NELL1: variants seen among roughly 807,000 people sequenced by gnomAD.
NELL1 encodes neural EGFL like 1, also known as protein kinase C-binding protein NELL1.
In NELL1, 76 loss-of-function variants were observed where a neutral mutation model predicts 107.4. The ratio of observed to expected loss-of-function variants is 0.71; its 90% CI spans 0.59 to 0.86. The LOEUF (loss-of-function observed/expected upper bound fraction) is 0.86, where lower values mean the gene tolerates loss of function less well. Among genes scored for constraint, NELL1 ranks in the 40% least tolerant of loss-of-function variants. The pLI is 0.00. For missense variants in NELL1, 1,024 were observed against 1,005.5 expected (o/e 1.02, Z -0.25); for synonymous variants, 353 against 341.2 (o/e 1.03, Z -0.38).
At chr11:20,806,685 C>T (rs925258420) in intron 3 of NELL1, among the ~76,000 whole-genome samples, 17 of 152,216 alleles carry the variant, frequency 1.1e-4, no homozygotes, top group South Asian at 4.1e-4. Flanking sequence ...TTTGCCCTTT[C>T]GAAGCTATTT....
chr11:20,688,723 T>A (rs892527986), intron 2 of NELL1, among the ~76,000 whole-genome samples: 3 of 152,124 alleles, frequency 2.0e-5, no homozygotes, highest in Admixed American at 6.6e-5. Flanking sequence ...TTTGGTAGAA[T>A]GATTTATTTA....
chr11:21,180,870 C>CA (rs371471755), intron 13 of NELL1, among the ~76,000 whole-genome samples: 15,702 of 145,432 alleles, frequency 0.11, 951 homozygotes, highest in African/African-American at 0.13. Flanking sequence ...TATCTTGTTT[C>CA]AAAAAAAAAA....
In NELL1 at chr11:21,249,185, G is replaced by A. The variant is rs140440514; in HGVS notation, c.1549+19731G>A. Among the ~76,000 whole-genome samples, 4 of 152,200 alleles carry A rather than the reference G, an allele frequency of 2.6e-5. No individual in the cohort carries two copies. The East Asian group carries it at 7.7e-4, about 29-fold the overall frequency. On this transcript the variant is annotated intron_variant, in intron 14 of 19. Coordinates refer to ENST00000357134, the MANE Select transcript of NELL1 (RefSeq NM_006157.5). ...AGTAAGAATCCTTCATATCCTAATGGGAAAATCATTGTATTTTTATGAGGG... is the reference window on the plus strand; with the variant it reads ...AGTAAGAATCCTTCATATCCTAATGAGAAAATCATTGTATTTTTATGAGGG...
chr11:21,336,270 G>C (rs1050265226), intron 14 of NELL1, among the ~76,000 whole-genome samples: 2 of 151,918 alleles, frequency 1.3e-5, no homozygotes. Context: ...TTTACTGTTA[G>C]CCAGGAACTG....
At chr11:21,253,383 A>G (rs528479640) in intron 14 of NELL1, among the ~76,000 whole-genome samples, 1 of 152,262 alleles carries the variant, frequency 6.6e-6, no homozygotes, top group Admixed American at 6.5e-5. Context: ...GCCTGTTCTC[A>G]AAGTAATTTC....
intron 17 of NELL1, among the ~76,000 whole-genome samples, chr11:21,561,069 C>G (rs942830895): frequency 2.0e-5 from 3 of 152,068 alleles, no homozygotes; most frequent in African/African-American, 7.2e-5. Context: ...TTTTATTGAT[C>G]TTGCCTATTT....
intron 13 of NELL1, among the ~76,000 whole-genome samples, chr11:21,213,023 A>G (rs1046426413): frequency 1.3e-5 from 2 of 152,234 alleles, no homozygotes; most frequent in Non-Finnish European, 2.9e-5. Flanking sequence ...AAGTTACAAG[A>G]TCAATACAGA....
intron 3 of NELL1, among the ~76,000 whole-genome samples, chr11:20,821,679 A>T: frequency 6.6e-6 from 1 of 152,324 alleles, no homozygotes; most frequent in Middle Eastern, 3.4e-3. Flanking sequence ...ATTTTAATAG[A>T]GCCTCAGCAG....
chr11:20,878,250 C>G (rs1207108264), intron 4 of NELL1, among the ~76,000 whole-genome samples: 1 of 148,984 alleles, frequency 6.7e-6, no homozygotes, highest in Non-Finnish European at 1.5e-5. Flanking sequence ...GTCCCAGCTA[C>G]TCGGGAGGCT....
chr11:21,279,578 C>G (rs1349094024), intron 14 of NELL1, among the ~76,000 whole-genome samples: 2 of 152,102 alleles, frequency 1.3e-5, no homozygotes, highest in African/African-American at 4.8e-5. Context: ...TTGGAATGGC[C>G]AAAATCTGAC....
In NELL1 at chr11:20,731,272, T is replaced by C. The variant is rs1420555290; in HGVS notation, c.185-52408T>C. ...GACAAGCTGCAAGGCTTTAGTGGGCTTAAAGCACTTTGGAAATTACCTGCT... is the reference window on the plus strand; with the variant it reads ...GACAAGCTGCAAGGCTTTAGTGGGCCTAAAGCACTTTGGAAATTACCTGCT... On this transcript the variant is annotated intron_variant, in intron 2 of 19. Transcript: ENST00000357134. Among the ~76,000 whole-genome samples, 53 of 152,224 alleles carry C rather than the reference T, an allele frequency of 3.5e-4. 1 individual carries two copies. The highest frequency in any genetic ancestry group is 3.5e-3 in the Admixed American group (53 of 15,274).
chr11:21,337,132 G>C (rs756746460), intron 14 of NELL1, among the ~76,000 whole-genome samples: 6 of 152,058 alleles, frequency 3.9e-5, no homozygotes, highest in Non-Finnish European at 8.8e-5. Context: ...AAGGTACTTA[G>C]CTTGAGAGTA....
At chr11:21,102,751 A>G (rs1369000690) in intron 12 of NELL1, among the ~76,000 whole-genome samples, 3 of 152,006 alleles carry the variant, frequency 2.0e-5, no homozygotes, top group Non-Finnish European at 4.4e-5. Context: ...TTTCCGTTCC[A>G]CCTTTGGGTT....
At chr11:21,117,959 A>G (rs1855277012) in intron 13 of NELL1, among the ~76,000 whole-genome samples, 3 of 152,052 alleles carry the variant, frequency 2.0e-5, no homozygotes, top group African/African-American at 2.4e-5. Flanking sequence ...GAGGACCAGA[A>G]ACATTTGGCA....
chr11:21,283,362 A>C (rs1184521104), intron 14 of NELL1, among the ~76,000 whole-genome samples: 1 of 152,158 alleles, frequency 6.6e-6, no homozygotes, highest in Non-Finnish European at 1.5e-5. Flanking sequence ...AGATAGAACA[A>C]ATTGAGCACT....
chr11:21,293,231 G>GA (rs982148344), intron 14 of NELL1, among the ~76,000 whole-genome samples: 62 of 150,854 alleles, frequency 4.1e-4, no homozygotes, highest in Non-Finnish European at 6.7e-4. Flanking sequence ...AAATTTACAA[G>GA]AAAAAAAACA....
intron 14 of NELL1, among the ~76,000 whole-genome samples, chr11:21,306,224 A>G (rs981631504): frequency 2.6e-5 from 4 of 152,030 alleles, no homozygotes; most frequent in Admixed American, 6.6e-5. Context: ...CAAATTGTCA[A>G]TATACTGAAA....
intron 15 of NELL1, among the ~76,000 whole-genome samples, chr11:21,435,036 T>C (rs1853071614): frequency 6.6e-6 from 1 of 152,166 alleles, no homozygotes; most frequent in African/African-American, 2.4e-5. Flanking sequence ...TTTTCTACTC[T>C]GTAACTTTAC....
chr11:20,840,678 CAG>C (rs1848605653), intron 3 of NELL1, among the ~76,000 whole-genome samples: 1 of 152,226 alleles, frequency 6.6e-6, no homozygotes, highest in African/African-American at 2.4e-5. Flanking sequence ...GTAAACAAGA[CAG>C]AAACTGCATT....
Sources: allele counts gnomAD v4.1 joint callset (sites outside exome capture counted in the v4.1 genomes callset), GRCh38; gene constraint gnomAD v4.1.1; transcripts MANE v1.5; gene names NCBI Gene and HGNC (gene_info 2026-07-23, HGNC 2026-07-21).